Variants in MYT1L observed in about 807,000 individuals in gnomAD.
MYT1L encodes the protein myelin transcription factor 1-like protein.
In MYT1L, 12 loss-of-function variants were observed where a neutral mutation model predicts 126.7. The observed-to-expected ratio is 0.09, with a 90% CI of 0.06 to 0.15. The LOEUF (loss-of-function observed/expected upper bound fraction) is 0.15, where lower values mean the gene tolerates loss of function less well. Ranked by LOEUF, MYT1L falls within the 10% of genes least tolerant of loss-of-function variation. The probability of loss-of-function intolerance (pLI) is 1.00; values close to 1 mark genes in which losing one functional copy is unlikely to be tolerated. For missense variants in MYT1L, 979 were observed against 1,585.2 expected, an observed-to-expected ratio of 0.62 and a Z score of 6.49; for synonymous variants, 541 against 604.2, an observed-to-expected ratio of 0.90 and a Z score of 1.53.
In MYT1L at chr2:1,929,020, T is replaced by C. The variant is rs999415739; in HGVS notation, c.506-5757A>G. ...ACAGGCCTGGACCCCCTGACTCTTA[T>C]GCAGGCAGTGGTCGCATGTTTATGT... On this transcript the variant is annotated intron_variant, in intron 9 of 24. Transcript: ENST00000647738. The surrounding 1 kb of genome is among the most constrained non-coding windows in gnomAD (Gnocchi z 4.7). 8.5e-5 allele frequency among the ~76,000 whole-genome samples: 13 copies of C among 152,094 alleles called. No homozygotes were observed. The highest frequency in any genetic ancestry group is 2.1e-4 in the South Asian group (1 of 4,822).
At chr2:1,831,442 G>A (rs561549479) in intron 21 of MYT1L, among the ~76,000 whole-genome samples, 31 of 152,228 alleles carry the variant, frequency 2.0e-4, no homozygotes, top group African/African-American at 2.9e-4. Flanking sequence ...CCACTTCTGC[G>A]CCTTTCCAGC....
intron 2 of MYT1L, among the ~76,000 whole-genome samples, chr2:2,216,614 GA>G (rs2093684430): frequency 6.6e-6 from 1 of 151,976 alleles, no homozygotes. Flanking sequence ...ACTAGAAAGA[GA>G]AAAGCAAATT....
In MYT1L at chr2:1,922,690, T is replaced by C; in HGVS notation, c.1079A>G (p.His360Arg). The C allele has an allele frequency of 3.1e-6, 5 of 1,613,840 alleles. No homozygotes were observed. Among genetic ancestry groups the C allele is most frequent in the Non-Finnish European group, 4.2e-6 (5 of 1,179,832 alleles). ...GGGGAAGTCCTCTTCTGGCCGGACA[T>C]GCTGACGGATGTTCATGTTCTGCTG... The part of the protein sequence containing the change: ...NPQQNMNIRQ[H>R]VRPEEDFPGR... The change falls in exon 10 of 25, where the codon CAT (histidine) becomes CGT (arginine). Residue 360 changes from histidine (H) to arginine (R), a missense_variant. By Grantham distance (29) the His-to-Arg change is conservative (BLOSUM62 0). This residue lies in a region of MYT1L where 243 missense variants were observed against 363.9 expected (regional missense o/e 0.67). Coordinates refer to ENST00000647738, the MANE Select transcript of MYT1L (RefSeq NM_001303052.2). The surrounding 1 kb of genome is among the most constrained non-coding windows in gnomAD (Gnocchi z 7.4).
intron 1 of MYT1L, among the ~76,000 whole-genome samples, chr2:2,307,228 T>C (rs573676429): frequency 2.6e-5 from 4 of 152,258 alleles, no homozygotes; most frequent in East Asian, 3.9e-4. Context: ...TTTATTTCTG[T>C]ATGAAATAGA....
intron 10 of MYT1L, among the ~76,000 whole-genome samples, chr2:1,919,970 AT>A (rs10708643): frequency 0.47 from 72,138 of 151,878 alleles, 19,785 homozygotes; most frequent in African/African-American, 0.76. Flanking sequence ...CACCCGCACT[AT>A]TTTTTTAAGG....
intron 2 of MYT1L, among the ~76,000 whole-genome samples, chr2:2,271,707 C>T (rs1573017096): frequency 6.6e-6 from 1 of 152,188 alleles, no homozygotes; most frequent in African/African-American, 2.4e-5. Flanking sequence ...GGCCTGCATC[C>T]TGGCTGTCAA....
At chr2:2,037,077 CCTTTA>C (rs1243721509) in intron 4 of MYT1L, among the ~76,000 whole-genome samples, 4 of 152,232 alleles carry the variant, frequency 2.6e-5, no homozygotes, top group African/African-American at 9.6e-5. Context: ...AGGGCTGACT[CCTTTA>C]CTTTAAGCCT....
chr2:1,864,701 CACA>C (rs1231511582), intron 18 of MYT1L, among the ~76,000 whole-genome samples: 1 of 152,210 alleles, frequency 6.6e-6, no homozygotes, highest in Non-Finnish European at 1.5e-5. Context: ...AGCTCCCCTC[CACA>C]ACATCTCTGC....
At chr2:2,095,690 G>T (rs957135548) in intron 3 of MYT1L, among the ~76,000 whole-genome samples, 3 of 152,030 alleles carry the variant, frequency 2.0e-5, no homozygotes. Context: ...TGGGCCAAAG[G>T]GTTTTTGACA....
At chr2:2,042,113 G>A (rs959990279) in intron 4 of MYT1L, among the ~76,000 whole-genome samples, 3 of 152,196 alleles carry the variant, frequency 2.0e-5, no homozygotes, top group African/African-American at 7.2e-5. Context: ...GAGGGGCTGG[G>A]CAGCTCAAAG....
At chr2:2,198,654 T>C (rs2092927522) in intron 2 of MYT1L, among the ~76,000 whole-genome samples, 1 of 151,880 alleles carries the variant, frequency 6.6e-6, no homozygotes. Flanking sequence ...GTCAGGAGCT[T>C]GAGATCAGCT....
chr2:2,121,186 C>T (rs772125450), intron 3 of MYT1L, among the ~76,000 whole-genome samples: 12 of 152,170 alleles, frequency 7.9e-5, no homozygotes, highest in East Asian at 1.9e-4. Flanking sequence ...ATCATATTGG[C>T]GAGGAAAACA....
chr2:1,916,388 T>C (rs1035125019), intron 11 of MYT1L, among the ~76,000 whole-genome samples: 2 of 152,164 alleles, frequency 1.3e-5, no homozygotes, highest in Non-Finnish European at 2.9e-5. Flanking sequence ...TCTTAGACAG[T>C]AAGGGAAACT....
intron 19 of MYT1L, chr2:1,842,908 T>G (rs1322797922): frequency 5.6e-6 from 1 of 177,504 alleles, no homozygotes; most frequent in South Asian, 1.2e-4. Context: ...CGCTTCCGCT[T>G]CCAGGCGCTT....
intron 3 of MYT1L, among the ~76,000 whole-genome samples, chr2:2,154,189 G>A (rs1262293115): frequency 2.0e-5 from 3 of 152,168 alleles, no homozygotes; most frequent in African/African-American, 7.2e-5. Flanking sequence ...CAATGACGCT[G>A]GGGAGGAAGA....
At chr2:2,312,697 C>T (rs978358359) in intron 1 of MYT1L, among the ~76,000 whole-genome samples, 1 of 152,154 alleles carries the variant, frequency 6.6e-6, no homozygotes, top group African/African-American at 2.4e-5. Flanking sequence ...ACCCCATTCC[C>T]ACTCTTCTTA....
intron 4 of MYT1L, among the ~76,000 whole-genome samples, chr2:1,999,677 G>T (rs2062183556): frequency 6.6e-6 from 1 of 152,056 alleles, no homozygotes; most frequent in Admixed American, 6.5e-5. Flanking sequence ...TTAATACATT[G>T]GCAACATGCT....
chr2:2,075,426 A>G lies in MYT1L; in HGVS notation c.-303-21303T>C, dbSNP rs750816263. Reference sequence around the variant, plus strand: ...CAGTCATCTGGACCCCTAGGTTAAGAGTTGCCATCTGAGGCTGTAGAAGTA... The same window carrying G: ...CAGTCATCTGGACCCCTAGGTTAAGGGTTGCCATCTGAGGCTGTAGAAGTA... On this transcript the variant is annotated intron_variant, in intron 3 of 24. Coordinates refer to ENST00000647738, the MANE Select transcript of MYT1L (RefSeq NM_001303052.2). 5.3e-5 allele frequency among the ~76,000 whole-genome samples: 8 copies of G among 152,290 alleles called. No homozygotes were observed. The East Asian group carries it at 1.5e-3, about 29-fold the overall frequency.
At chr2:2,138,105 T>A (rs565401402) in intron 3 of MYT1L, among the ~76,000 whole-genome samples, 1 of 152,182 alleles carries the variant, frequency 6.6e-6, no homozygotes, top group Non-Finnish European at 1.5e-5. Context: ...ACCATCACTG[T>A]CCATCAGAGA....
Sources: gnomAD v4.1 joint callset for allele counts (sites outside exome capture counted in the v4.1 genomes callset) on GRCh38, gnomAD v4.1.1 for gene constraint, gnomAD v4.1.1 regional missense constraint, Gnocchi (gnomAD v3.1) non-coding constraint, MANE v1.5 for transcripts, NCBI Gene and HGNC (gene_info 2026-07-23, HGNC 2026-07-21) for gene names.